The following DPP10 variants were observed in gnomAD, a reference collection of about 807,000 sequenced individuals.
DPP10 encodes inactive dipeptidyl peptidase 10.
Under a neutral mutation model 120.9 loss-of-function variants are expected in DPP10, and 33 were observed. That is an observed-to-expected ratio of 0.27 (90% CI 0.21 to 0.37). DPP10 has a LOEUF of 0.37. Among genes scored for constraint, DPP10 ranks in the 10% least tolerant of loss-of-function variants. The pLI is 1.00. For synonymous variants in DPP10, 337 were observed against 326.1 expected, an observed-to-expected ratio of 1.03 and a Z score of -0.36; for missense variants, 816 against 942.8, an observed-to-expected ratio of 0.87 and a Z score of 1.76.
chr2:115,004,483 G>T (rs570138874), intron 1 of DPP10, among the ~76,000 whole-genome samples: 1 of 152,196 alleles, frequency 6.6e-6, no homozygotes, highest in East Asian at 1.9e-4. Context: ...GGGAGTGCCA[G>T]ACAGTGGGCA....
chr2:114,952,225 G>A (rs1253428012), intron 1 of DPP10, among the ~76,000 whole-genome samples: 3 of 151,776 alleles, frequency 2.0e-5, no homozygotes, highest in South Asian at 4.2e-4. Flanking sequence ...ACAAATACAA[G>A]TGCTTATATA....
At position 114,960,401 on chromosome 2, in the gene DPP10, A is replaced by G. The variant is rs918264616; in HGVS notation, c.61-348838A>G. 4.3e-5 allele frequency among the ~76,000 whole-genome samples: 6 copies of G among 140,842 alleles called. No individual in the cohort carries two copies. The East Asian group carries it at 1.3e-3, about 29-fold the overall frequency. 92.4% of individuals were successfully genotyped at this position (140,842 alleles called of 152,430 possible). A position where few individuals can be genotyped will look rare whatever the true frequency, so the allele number is the denominator to read the frequency against. ...ATATATATATACTTTTGTTGGATGG[A>G]ATATGACCAGTGATCTGTGGAAATA... On this transcript the variant is annotated intron_variant, in intron 1 of 25. Transcript: ENST00000410059.
intron 1 of DPP10, among the ~76,000 whole-genome samples, chr2:114,513,521 C>CAA (rs10712243): frequency 2.2e-3 from 164 of 74,760 alleles, no homozygotes; most frequent in East Asian, 2.8e-3. Context: ...AACTCTACCT[C>CAA]AAAAAAAAAA....
At chr2:115,813,506 T>C (rs986357451) in intron 19 of DPP10, among the ~76,000 whole-genome samples, 1 of 152,200 alleles carries the variant, frequency 6.6e-6, no homozygotes, top group Admixed American at 6.5e-5. Context: ...TTAGTTACCT[T>C]TTTAAAGGAC....
chr2:115,632,935 G>A (rs1163194424), intron 5 of DPP10, among the ~76,000 whole-genome samples: 1 of 152,140 alleles, frequency 6.6e-6, no homozygotes. Flanking sequence ...GAAACAACAG[G>A]TGCTGGAGAG....
At position 115,233,275 on chromosome 2, in the gene DPP10, GATA is replaced by G. The variant is rs371542471; in HGVS notation, c.61-75960_61-75958del. On this transcript the variant is annotated intron_variant, in intron 1 of 25. Transcript: ENST00000410059. The stretch of plus-strand genomic sequence containing the variant: ...GCAGTTCAAGGGAGGCTAGGTATAT[GATA>G]ATATCTTATCCAAGAACTGTTCCCA... 4.6e-5 allele frequency among the ~76,000 whole-genome samples: 7 copies of G among 151,950 alleles called. No homozygotes were observed. The South Asian group carries it at 6.2e-4, about 14-fold the overall frequency.
At chr2:114,966,686 A>G (rs1368645533) in intron 1 of DPP10, among the ~76,000 whole-genome samples, 2 of 152,234 alleles carry the variant, frequency 1.3e-5, no homozygotes, top group East Asian at 1.9e-4. Flanking sequence ...GCCATTTATG[A>G]TCTTGACCAG....
intron 5 of DPP10, among the ~76,000 whole-genome samples, chr2:115,589,385 C>G (rs1427359808): frequency 6.6e-6 from 1 of 152,016 alleles, no homozygotes; most frequent in East Asian, 1.9e-4. Context: ...TCATGTTTAC[C>G]CAGGTGGACA....
At chr2:115,569,983 TG>T (rs1439456878) in intron 5 of DPP10, among the ~76,000 whole-genome samples, 2 of 152,228 alleles carry the variant, frequency 1.3e-5, no homozygotes, top group Non-Finnish European at 2.9e-5. Context: ...CATCAAGTAT[TG>T]TTTAAATCAA....
intron 5 of DPP10, among the ~76,000 whole-genome samples, chr2:115,576,142 T>C (rs1394477520): frequency 1.3e-5 from 2 of 152,212 alleles, no homozygotes; most frequent in African/African-American, 4.8e-5. Flanking sequence ...TTGTGGTGAT[T>C]TGTTACTGCA....
intron 1 of DPP10, among the ~76,000 whole-genome samples, chr2:115,250,364 G>C (rs1276108456): frequency 6.6e-6 from 1 of 152,192 alleles, no homozygotes; most frequent in Non-Finnish European, 1.5e-5. Flanking sequence ...TTTAGTCGCA[G>C]AAGTTAAAAC....
At chr2:115,517,001 T>G (rs1192934504) in intron 4 of DPP10, among the ~76,000 whole-genome samples, 1 of 152,182 alleles carries the variant, frequency 6.6e-6, no homozygotes, top group East Asian at 1.9e-4. Context: ...ATAGAGCCTC[T>G]TACTCCTTGA....
chr2:115,799,430 C>G (rs962904832), intron 19 of DPP10, among the ~76,000 whole-genome samples: 3 of 151,580 alleles, frequency 2.0e-5, no homozygotes, highest in African/African-American at 7.3e-5. Flanking sequence ...TTTATTTTTT[C>G]TTTTTTTATT....
chr2:114,548,504 G>T (rs1309477408), intron 1 of DPP10, among the ~76,000 whole-genome samples: 2 of 152,150 alleles, frequency 1.3e-5, no homozygotes, highest in Non-Finnish European at 2.9e-5. Flanking sequence ...CTAGTTACAG[G>T]CTGCTTGTGA....
intron 1 of DPP10, among the ~76,000 whole-genome samples, chr2:114,983,179 TG>T (rs1290939207): frequency 6.6e-6 from 1 of 152,204 alleles, no homozygotes; most frequent in East Asian, 1.9e-4. Flanking sequence ...TCCTCATTGC[TG>T]TGGAGATTTG....
intron 21 of DPP10, among the ~76,000 whole-genome samples, chr2:115,830,551 G>A (rs1559213672): frequency 6.6e-6 from 1 of 152,100 alleles, no homozygotes; most frequent in South Asian, 2.1e-4. Context: ...TGGTCAAAGA[G>A]TAGAAGAAAA....
In DPP10 at chr2:114,648,033, C is replaced by T. The variant is rs111554747; in HGVS notation, c.60+205195C>T. 2.9e-4 allele frequency among the ~76,000 whole-genome samples: 44 copies of T among 152,260 alleles called. 1 individual carries two copies. The highest frequency in any genetic ancestry group is 1.0e-3 in the African/African-American group (42 of 41,534). On this transcript the variant is annotated intron_variant, in intron 1 of 25. Transcript: ENST00000410059. ...CAGTATAACCATGAAATGTCTCCCT[C>T]CAGGGCAAGGTTAGACAGGTTTGCT...
rs35069106 is a variant in DPP10, at chr2:114,764,283, C to T, written c.60+321445C>T. Among the ~76,000 whole-genome samples the T allele has an allele frequency of 5.5e-3, 613 of 111,402 alleles. 4 individuals are homozygous for T. The highest frequency in any genetic ancestry group is 8.6e-3 in the Non-Finnish European group (464 of 54,010). The allele number at this position is 111,402 out of a possible 152,430, so 73.1% of individuals were successfully genotyped here. A position where few individuals can be genotyped will look rare whatever the true frequency, so the allele number is the denominator to read the frequency against. On this transcript the variant is annotated intron_variant, in intron 1 of 25. Transcript: ENST00000410059. ...TTGCAACTGCTGGCCTCTTAAATTG[C>T]CTTTTTTTTTTTTTTTTATCATGTT...
intron 1 of DPP10, among the ~76,000 whole-genome samples, chr2:115,101,913 C>A (rs1048126630): frequency 6.6e-6 from 1 of 152,254 alleles, no homozygotes; most frequent in South Asian, 2.1e-4. Flanking sequence ...GGTACCTGAA[C>A]CAATTCTGCA....
Sources: gnomAD v4.1 joint callset for allele counts (sites outside exome capture counted in the v4.1 genomes callset) on GRCh38, gnomAD v4.1.1 for gene constraint, MANE v1.5 for transcripts, NCBI Gene and HGNC (gene_info 2026-07-23, HGNC 2026-07-21) for gene names.